Variants in DOCK1 observed in about 807,000 individuals in gnomAD.
The protein encoded by DOCK1 is dedicator of cytokinesis 1.
A neutral mutation model predicts 262.7 loss-of-function variants in DOCK1; 138 were observed. The ratio of observed to expected loss-of-function variants is 0.53; its 90% CI spans 0.46 to 0.61. The LOEUF is 0.61. Ranked by LOEUF, DOCK1 falls within the 20% of genes least tolerant of loss-of-function variation. DOCK1 has a pLI of 0.00. For missense variants in DOCK1, 1,908 were observed against 2,370.7 expected, an observed-to-expected ratio of 0.80 and a Z score of 4.05; for synonymous variants, 866 against 867.4, an observed-to-expected ratio of 1.00 and a Z score of 0.03.
intron 10 of DOCK1, among the ~76,000 whole-genome samples, chr10:127,007,081 C>T (rs760624534): frequency 1.3e-5 from 2 of 152,158 alleles, no homozygotes; most frequent in Admixed American, 6.5e-5. Context: ...GGTGAGGGCC[C>T]GTGTCCAGAC....
At chr10:127,179,296 A>T (rs1406903475) in intron 27 of DOCK1, among the ~76,000 whole-genome samples, 1 of 152,242 alleles carries the variant, frequency 6.6e-6, no homozygotes, top group East Asian at 1.9e-4. Flanking sequence ...TGGTGGCCAA[A>T]TAATAATAAA....
At chr10:127,086,378 C>T (rs1023866853) in intron 23 of DOCK1, among the ~76,000 whole-genome samples, 7 of 152,080 alleles carry the variant, frequency 4.6e-5, no homozygotes, top group African/African-American at 1.7e-4. Flanking sequence ...ATCTGAAATG[C>T]AAAAACACAT....
intron 27 of DOCK1, among the ~76,000 whole-genome samples, chr10:127,236,446 T>C: frequency 6.7e-6 from 1 of 149,720 alleles, no homozygotes; most frequent in Non-Finnish European, 1.5e-5. Context: ...TATCCAACTG[T>C]TTCGGCACCA....
Position 127,225,778 on chromosome 10 carries a change from G to C in DOCK1, c.2848-22230G>C, listed in dbSNP as rs187128400. On this transcript the variant is annotated intron_variant, in intron 27 of 51. Transcript: ENST00000623213. ...AGTAGAAGACCATATCAAACCTGATGTACCCATAAGAAGTAGTTGGACGGG... is the reference window on the plus strand; with the variant it reads ...AGTAGAAGACCATATCAAACCTGATCTACCCATAAGAAGTAGTTGGACGGG... Among the ~76,000 whole-genome samples the C allele has an allele frequency of 1.1e-4, 17 of 152,294 alleles. 2 individuals are homozygous for C. The highest frequency in any genetic ancestry group is 1.1e-3 in the Admixed American group (17 of 15,298).
At position 127,384,827 on chromosome 10, in the gene DOCK1, G is replaced by A. The variant is rs765684085; in HGVS notation, c.3845G>A (p.Arg1282Gln). ...GTGTGTGTGGCCCACCTCACCCAGC[G>A]GGACGGGTACCAGGCCACCACGCAG... Reference protein sequence around the residue: ...EDVCVAHLTQRDGYQATTQGQ... With the variant: ...EDVCVAHLTQQDGYQATTQGQ... The change falls in exon 38 of 52, where the codon CGG becomes CAG. Residue 1282 changes from arginine (R) to glutamine (Q), a missense_variant. Physicochemically the swap from Arg to Gln is conservative, Grantham distance 43 (BLOSUM62 1). Coordinates refer to ENST00000623213, the MANE Select transcript of DOCK1 (RefSeq NM_001290223.2). 4.9e-5 allele frequency: 78 copies of A among 1,607,740 alleles called. No homozygotes were observed. The highest frequency in any genetic ancestry group is 1.6e-4 in the Middle Eastern group (1 of 6,062).
At chr10:126,942,003 GTGT>G (rs1212185617) in intron 1 of DOCK1, among the ~76,000 whole-genome samples, 1 of 152,038 alleles carries the variant, frequency 6.6e-6, no homozygotes, top group African/African-American at 2.4e-5. Flanking sequence ...TGTCGGATGT[GTGT>G]TGTCACTCTG....
chr10:127,103,398 C>T (rs995898166), intron 23 of DOCK1, among the ~76,000 whole-genome samples: 1 of 152,136 alleles, frequency 6.6e-6, no homozygotes, highest in African/African-American at 2.4e-5. Context: ...GAGTTTGGGG[C>T]TAGGTATTGT....
intron 13 of DOCK1, 105 bp from the exon 14 acceptor site, chr10:127,023,095 T>C (rs2042559675): frequency 2.4e-6 from 3 of 1,260,200 alleles, no homozygotes; most frequent in Middle Eastern, 2.0e-4. Flanking sequence ...TCATCTAATA[T>C]GTATTTGTAA....
chr10:127,274,269 GAA>G (rs2060667208), intron 29 of DOCK1, among the ~76,000 whole-genome samples: 1 of 152,196 alleles, frequency 6.6e-6, no homozygotes, highest in Non-Finnish European at 1.5e-5. Context: ...CCTCCAATGA[GAA>G]AGAGACTTTT....
chr10:127,072,049 C>T (rs1160066019), intron 23 of DOCK1, among the ~76,000 whole-genome samples: 1 of 152,160 alleles, frequency 6.6e-6, no homozygotes, highest in Admixed American at 6.6e-5. Context: ...GTTCAGAGAT[C>T]TCTCTTGTTA....
intron 27 of DOCK1, among the ~76,000 whole-genome samples, chr10:127,222,487 G>A (rs1472345458): frequency 1.3e-5 from 2 of 152,082 alleles, no homozygotes; most frequent in African/African-American, 4.8e-5. Flanking sequence ...TTTAAAAAAC[G>A]GTTGAATCAG....
chr10:127,125,409 T>A, intron 25 of DOCK1, 65 bp from the exon 26 acceptor site: 2 of 1,601,322 alleles, frequency 1.2e-6, no homozygotes, highest in Middle Eastern at 2.3e-4. Context: ...CAGACAAGCT[T>A]ATAGCAAACA....
rs191127164 is a variant in DOCK1, at chr10:127,128,716, G to A, written c.2847+952G>A. Among the ~76,000 whole-genome samples, 534 of 152,168 alleles carry A rather than the reference G, an allele frequency of 3.5e-3. 2 individuals are homozygous for A. The highest frequency in any genetic ancestry group is 0.014 in the Middle Eastern group (4 of 294). ...TCATCCATGTCCCTGCAAAGGACAT[G>A]AACTCATTCTTTTTTATGGCTGCAT... On this transcript the variant is annotated intron_variant, in intron 27 of 51. Transcript: ENST00000623213.
chr10:127,192,373 G>A (rs1475628683), intron 27 of DOCK1, among the ~76,000 whole-genome samples: 1 of 152,194 alleles, frequency 6.6e-6, no homozygotes, highest in East Asian at 1.9e-4. Flanking sequence ...CCTAATATCT[G>A]CTGTTCTACA....
intron 27 of DOCK1, among the ~76,000 whole-genome samples, chr10:127,231,291 A>T (rs2058832716): frequency 6.6e-6 from 1 of 151,992 alleles, no homozygotes; most frequent in Non-Finnish European, 1.5e-5. Flanking sequence ...CCCCACCACA[A>T]AGTTATTTTG....
At chr10:127,444,516 G>A (rs1185494528) in intron 50 of DOCK1, among the ~76,000 whole-genome samples, 1 of 152,074 alleles carries the variant, frequency 6.6e-6, no homozygotes, top group African/African-American at 2.4e-5. Context: ...AAAGTGCAGG[G>A]TCTGTCCCAG....
At chr10:127,346,616 A>G (rs1182870441) in intron 31 of DOCK1, among the ~76,000 whole-genome samples, 1 of 151,376 alleles carries the variant, frequency 6.6e-6, no homozygotes, top group Non-Finnish European at 1.5e-5. Context: ...AAACGAAAAG[A>G]AAAAAAAACA....
At chr10:126,981,834 C>A in intron 3 of DOCK1, 84 bp from the exon 4 acceptor site, 1 of 1,421,554 alleles carries the variant, frequency 7.0e-7, no homozygotes, top group Admixed American at 2.3e-5. Flanking sequence ...ACCCCTCACC[C>A]CACCTTTTTG....
rs1367250635 is a variant in DOCK1, at chr10:127,061,693, G to C, written c.2362G>C (p.Asp788His). The C allele has an allele frequency of 6.2e-7, 1 of 1,600,718 alleles. No individual in the cohort carries two copies. Among genetic ancestry groups the C allele is most frequent in the Admixed American group, 1.7e-5 (1 of 58,158 alleles). The change falls in exon 23 of 52, where the codon GAC becomes CAC. Residue 788 changes from aspartate to histidine, a missense_variant. Around this residue, in one of 9 missense-constraint regions of DOCK1, gnomAD observed 518 missense variants for 575.1 expected, o/e 0.90. Coordinates refer to ENST00000623213, the MANE Select transcript of DOCK1 (RefSeq NM_001290223.2). ...ACTGTATGAAAACAAGGGAGAGGCT[G>C]ACTTCGTGGAATCTTTGCTGCAGCT... ...NQLYENKGEA[D>H]FVESLLQLFR...
Sources: gnomAD v4.1 joint callset for allele counts (sites outside exome capture counted in the v4.1 genomes callset) on GRCh38, gnomAD v4.1.1 for gene constraint, gnomAD v4.1.1 regional missense constraint, MANE v1.5 for transcripts, NCBI Gene and HGNC (gene_info 2026-07-23, HGNC 2026-07-21) for gene names.